Variants in CWC27 observed in about 807,000 individuals in gnomAD.
CWC27 encodes the protein spliceosome-associated protein CWC27 homolog.
A neutral mutation model predicts 63.6 loss-of-function variants in CWC27; 47 were observed. That is an observed-to-expected ratio of 0.74 (90% CI 0.58 to 0.94). CWC27 has a LOEUF of 0.94. Among genes scored for constraint, CWC27 ranks in the 40% least tolerant of loss-of-function variants. The probability of loss-of-function intolerance (pLI) is 0.00; values close to 1 mark genes in which losing one functional copy is unlikely to be tolerated. For missense variants in CWC27, 495 were observed against 554.3 expected (o/e 0.89, Z 1.07); for synonymous variants, 175 against 179.8 (o/e 0.97, Z 0.22).
chr5:64,879,018 C>A (rs1456409497), intron 10 of CWC27, among the ~76,000 whole-genome samples: 1 of 151,774 alleles, frequency 6.6e-6, no homozygotes, highest in Non-Finnish European at 1.5e-5. Flanking sequence ...GGCACGTAGA[C>A]CAAGTAGGAG....
chr5:64,919,957 C>T (rs539256254), intron 11 of CWC27, among the ~76,000 whole-genome samples: 41 of 152,284 alleles, frequency 2.7e-4, no homozygotes, highest in African/African-American at 9.6e-4. Flanking sequence ...AATTGTAGTT[C>T]TGTTTTAAGT....
intron 8 of CWC27, 21 bp from the exon 9 acceptor site, chr5:64,801,280 GT>G (rs1561413237): frequency 2.1e-6 from 3 of 1,411,436 alleles, no homozygotes; most frequent in South Asian, 2.6e-5. Flanking sequence ...ACTAAAATTT[GT>G]TTTGCTTATT....
At position 64,997,050 on chromosome 5, in the gene CWC27, A is replaced by C. The variant is rs746534711; in HGVS notation, c.1256+19812A>C. ...TCCCCTTTAAATTGTAGAAAATGTC[A>C]AATTTATATCCCTAATATTATATCC... On this transcript the variant is annotated intron_variant, in intron 13 of 13. Transcript: ENST00000381070. Among the ~76,000 whole-genome samples, 31 of 152,312 alleles carry C rather than the reference A, an allele frequency of 2.0e-4. 1 individual carries two copies. Among genetic ancestry groups the C allele is most frequent in the Admixed American group, 8.5e-4 (13 of 15,290 alleles).
intron 10 of CWC27, among the ~76,000 whole-genome samples, chr5:64,830,125 G>A (rs1215401141): frequency 2.7e-5 from 4 of 149,444 alleles, no homozygotes; most frequent in East Asian, 4.0e-4. Flanking sequence ...TGCTGCACCC[G>A]TTAACTCGTC....
chr5:64,873,912 T>C (rs1280971896), intron 10 of CWC27, among the ~76,000 whole-genome samples: 2 of 152,142 alleles, frequency 1.3e-5, no homozygotes, highest in East Asian at 3.9e-4. Context: ...CTCAGCACTA[T>C]TTCTGGAAGA....
chr5:64,871,318 A>G, intron 10 of CWC27, among the ~76,000 whole-genome samples: 1 of 152,132 alleles, frequency 6.6e-6, no homozygotes, highest in East Asian at 1.9e-4. Context: ...CTTGATGGTA[A>G]GGATAATATA....
At position 64,804,234 on chromosome 5, in the gene CWC27, A is replaced by G; in HGVS notation, c.786A>G (p.Gly262=). Reference sequence around the variant, plus strand: ...CTCATTTTCCATTTCTACAGGATGGAGAAGATGAAAGTGCAGAGCATGATG... The same window carrying G: ...CTCATTTTCCATTTCTACAGGATGGGGAAGATGAAAGTGCAGAGCATGATG... ...KGDAPDLVDD[G]EDESAEHDEY... The change falls in exon 10 of 14, where the codon GGA becomes GGG. Residue 262 remains glycine, a synonymous_variant. Transcript: ENST00000381070. 6.2e-7 allele frequency: 1 copy of G among 1,602,886 alleles called. No individual in the cohort carries two copies. Among genetic ancestry groups the G allele is most frequent in the Non-Finnish European group, 8.5e-7 (1 of 1,174,284 alleles).
At chr5:64,896,825 A>G (rs1344382571) in intron 11 of CWC27, among the ~76,000 whole-genome samples, 1 of 152,224 alleles carries the variant, frequency 6.6e-6, no homozygotes, top group Non-Finnish European at 1.5e-5. Flanking sequence ...GAAATAACAC[A>G]AAAAGTCTAA....
rs397998002 is a variant in CWC27, at chr5:64,878,470, T to TAAAAAAAAAAAAAAAAAA, written c.939-6960_939-6943dup. Among the ~76,000 whole-genome samples, 96 of 26,926 alleles carry TAAAAAAAAAAAAAAAAAA rather than the reference T, an allele frequency of 3.6e-3. 17 individuals carry two copies. The highest frequency in any genetic ancestry group is 0.062 in the Middle Eastern group (1 of 16). The allele number at this position is 26,926 out of a possible 152,430, so 17.7% of individuals were successfully genotyped here. On this transcript the variant is annotated intron_variant, in intron 10 of 13. Coordinates refer to ENST00000381070, the MANE Select transcript of CWC27 (RefSeq NM_005869.4). The stretch of plus-strand genomic sequence containing the variant: ...GTCAGCACTGTCCTGGGTTACAGAT[T>TAAAAAAAAAAAAAAAAAA]AAAAAAAAAAAAAAAAAAAAAAAAA...
chr5:64,953,218 T>G (rs949071841), intron 11 of CWC27, among the ~76,000 whole-genome samples: 26 of 152,164 alleles, frequency 1.7e-4, no homozygotes, highest in African/African-American at 5.3e-4. Context: ...TTTCTCAATG[T>G]TGGCTTGCTT....
chr5:64,884,847 G>T (rs1028544826), intron 10 of CWC27, among the ~76,000 whole-genome samples: 7 of 152,172 alleles, frequency 4.6e-5, no homozygotes, highest in African/African-American at 1.7e-4. Context: ...TTTAACACAT[G>T]ATTATATTAA....
chr5:64,950,773 T>A (rs1748689763), intron 11 of CWC27, among the ~76,000 whole-genome samples: 1 of 151,900 alleles, frequency 6.6e-6, no homozygotes, highest in Non-Finnish European at 1.5e-5. Flanking sequence ...TTCCCATAAA[T>A]CCCTTTGCAG....
Position 64,775,492 on chromosome 5 carries a change from G to C in CWC27, c.139+705G>C, listed in dbSNP as rs1011876004. ...ATTATTTCCTAAGCATTTCCTTTCC[G>C]TTTCCACTTTCATACATGTCCTCAT... On this transcript the variant is annotated intron_variant, in intron 2 of 13. Coordinates refer to ENST00000381070, the MANE Select transcript of CWC27 (RefSeq NM_005869.4). Among the ~76,000 whole-genome samples, 4 of 151,942 alleles carry C rather than the reference G, an allele frequency of 2.6e-5. No homozygotes were observed. In the East Asian group the frequency reaches 7.7e-4, roughly 29 times the overall value.
intron 11 of CWC27, among the ~76,000 whole-genome samples, chr5:64,942,041 A>G (rs1748493114): frequency 6.6e-6 from 1 of 152,182 alleles, no homozygotes; most frequent in Admixed American, 6.5e-5. Flanking sequence ...ATGAGTAGAT[A>G]AATAATTTGT....
At chr5:64,926,885 T>C (rs1748125111) in intron 11 of CWC27, among the ~76,000 whole-genome samples, 1 of 152,226 alleles carries the variant, frequency 6.6e-6, no homozygotes, top group Non-Finnish European at 1.5e-5. Flanking sequence ...TACTATGTAA[T>C]AGCAATATTT....
chr5:64,876,834 C>G (rs898726562), intron 10 of CWC27, among the ~76,000 whole-genome samples: 2 of 152,020 alleles, frequency 1.3e-5, no homozygotes. Context: ...GACAGTTATG[C>G]AAGATACTTG....
At chr5:64,785,139 GTTATTTGC>G (rs1161659770) in intron 4 of CWC27, among the ~76,000 whole-genome samples, 11 of 152,010 alleles carry the variant, frequency 7.2e-5, no homozygotes, top group African/African-American at 2.2e-4. Context: ...CATTGTTATT[GTTATTTGC>G]TTATTTTATC....
intron 7 of CWC27, among the ~76,000 whole-genome samples, chr5:64,796,318 T>A (rs1744263456): frequency 6.6e-6 from 1 of 152,144 alleles, no homozygotes; most frequent in Non-Finnish European, 1.5e-5. Context: ...AGGAATTGGC[T>A]CTTGCAATTG....
At chr5:64,894,706 G>C (rs1747326247) in intron 11 of CWC27, among the ~76,000 whole-genome samples, 1 of 152,130 alleles carries the variant, frequency 6.6e-6, no homozygotes, top group Non-Finnish European at 1.5e-5. Context: ...AAAAATGCAA[G>C]GAATACTTAA....
Sources: gnomAD v4.1 joint callset for allele counts (sites outside exome capture counted in the v4.1 genomes callset) on GRCh38, gnomAD v4.1.1 for gene constraint, MANE v1.5 for transcripts, NCBI Gene and HGNC (gene_info 2026-07-23, HGNC 2026-07-21) for gene names.